Variants in FARS2 observed in about 807,000 individuals in gnomAD.
FARS2 encodes phenylalanyl-tRNA synthetase 2, mitochondrial, also known as phenylalanine--tRNA ligase, mitochondrial.
FARS2 carries 40 observed loss-of-function variants against 46.4 expected under a neutral mutation model. The observed-to-expected ratio is 0.86, with a 90% CI of 0.67 to 1.12. The LOEUF (loss-of-function observed/expected upper bound fraction) is 1.12, where lower values mean the gene tolerates loss of function less well. Among genes scored for constraint, FARS2 ranks in the 50% most tolerant of loss-of-function variants. FARS2 has a pLI of 0.00. For missense variants in FARS2, 513 were observed against 567.9 expected (o/e 0.90, Z 0.98); for synonymous variants, 234 against 214.9 (o/e 1.09, Z -0.78).
chr6:5,697,888 T>C (rs973883103), intron 6 of FARS2, among the ~76,000 whole-genome samples: 6 of 151,298 alleles, frequency 4.0e-5, no homozygotes, highest in Non-Finnish European at 5.9e-5. Flanking sequence ...ACACTTGTTT[T>C]TTTAATTTAA....
chr6:5,539,622 GA>G (rs1770487810), intron 4 of FARS2, among the ~76,000 whole-genome samples: 1 of 151,832 alleles, frequency 6.6e-6, no homozygotes, highest in South Asian at 2.1e-4. Flanking sequence ...AAAGCAATTG[GA>G]AGTTGTATTT....
intron 2 of FARS2, among the ~76,000 whole-genome samples, chr6:5,371,814 C>T (rs1427294011): frequency 2.6e-5 from 4 of 151,876 alleles, no homozygotes. Flanking sequence ...TAAATAGAAA[C>T]CCCAAATTAA....
chr6:5,737,232 G>C (rs1761010372), intron 6 of FARS2, among the ~76,000 whole-genome samples: 1 of 152,102 alleles, frequency 6.6e-6, no homozygotes, highest in African/African-American at 2.4e-5. Flanking sequence ...AATAGAATAG[G>C]CTTCAGAAAT....
chr6:5,395,574 T>C (rs918286004), intron 2 of FARS2, among the ~76,000 whole-genome samples: 6 of 152,190 alleles, frequency 3.9e-5, no homozygotes, highest in Admixed American at 1.3e-4. Context: ...TCTGTACCAT[T>C]ACTAGTGAAA....
At chr6:5,741,714 G>A (rs1390565741) in intron 6 of FARS2, among the ~76,000 whole-genome samples, 3 of 152,172 alleles carry the variant, frequency 2.0e-5, no homozygotes, top group South Asian at 2.1e-4. Context: ...GCAGTGGCAC[G>A]ATCTCGGCTC....
chr6:5,546,604 T>C (rs1771037005), intron 5 of FARS2, among the ~76,000 whole-genome samples: 1 of 152,048 alleles, frequency 6.6e-6, no homozygotes, highest in Non-Finnish European at 1.5e-5. Flanking sequence ...AGAATGAAGC[T>C]GCATATATGT....
intron 3 of FARS2, among the ~76,000 whole-genome samples, chr6:5,427,029 T>C (rs1235494283): frequency 6.6e-6 from 1 of 152,348 alleles, no homozygotes; most frequent in South Asian, 2.1e-4. Context: ...ACTATTTATG[T>C]TTGAAGTAGA....
chr6:5,590,267 G>A (rs1773838677), intron 5 of FARS2, among the ~76,000 whole-genome samples: 1 of 152,210 alleles, frequency 6.6e-6, no homozygotes. Flanking sequence ...GAGGCTGGTA[G>A]CAGTGTTTCC....
intron 1 of FARS2, among the ~76,000 whole-genome samples, chr6:5,302,386 C>T (rs17140145): frequency 0.011 from 1,720 of 152,196 alleles, 29 homozygotes; most frequent in African/African-American, 0.039. Context: ...ATTACATCTC[C>T]CTTGTGTCAG....
intron 1 of FARS2, among the ~76,000 whole-genome samples, chr6:5,268,877 A>C (rs1007359880): frequency 5.5e-4 from 83 of 152,056 alleles, no homozygotes; most frequent in African/African-American, 1.9e-3. Flanking sequence ...CTTTTATTTC[A>C]TTGAGCAGTG....
intron 6 of FARS2, among the ~76,000 whole-genome samples, chr6:5,741,182 G>A (rs540855075): frequency 6.6e-6 from 1 of 152,286 alleles, no homozygotes; most frequent in East Asian, 1.9e-4. Flanking sequence ...CTTTAAGTTT[G>A]AGGAAGAAAG....
intron 1 of FARS2, among the ~76,000 whole-genome samples, chr6:5,294,469 G>A (rs554643950): frequency 3.9e-5 from 6 of 152,214 alleles, no homozygotes; most frequent in South Asian, 4.2e-4. Context: ...GGCAGGCACC[G>A]GTTGGATGTC....
intron 6 of FARS2, among the ~76,000 whole-genome samples, chr6:5,652,590 A>G (rs978376114): frequency 6.6e-6 from 1 of 152,210 alleles, no homozygotes; most frequent in Non-Finnish European, 1.5e-5. Context: ...GAATGGCCCG[A>G]CTGCCCTTCA....
intron 4 of FARS2, among the ~76,000 whole-genome samples, chr6:5,439,143 G>A (rs990293503): frequency 6.6e-6 from 1 of 152,118 alleles, no homozygotes; most frequent in Non-Finnish European, 1.5e-5. Flanking sequence ...GTACTTAAGG[G>A]GTTAGTCTGC....
chr6:5,613,835 A>G (rs60671092), intron 6 of FARS2, among the ~76,000 whole-genome samples: 20,640 of 152,272 alleles, frequency 0.14, 1,656 homozygotes, highest in South Asian at 0.19. Context: ...AAAGCATGCT[A>G]TTATGAGGGA....
chr6:5,628,903 G>A (rs942894761), intron 6 of FARS2, among the ~76,000 whole-genome samples: 2 of 152,232 alleles, frequency 1.3e-5, no homozygotes, highest in African/African-American at 2.4e-5. Context: ...ACATGCAATT[G>A]CAGACTTCAG....
intron 6 of FARS2, among the ~76,000 whole-genome samples, chr6:5,698,704 C>T (rs1409283013): frequency 1.3e-5 from 2 of 152,162 alleles, no homozygotes; most frequent in African/African-American, 2.4e-5. Context: ...GGACCTGGCC[C>T]ACAGGGTGTG....
chr6:5,397,527 G>A lies in FARS2; in HGVS notation c.613-7015G>A, dbSNP rs539122693. Reference sequence around the variant, plus strand: ...GTGGAGGATGCTGATAGTGGAGGAGGCTGTGCATGTGTGGAGGAGGAATTA... The same window carrying A: ...GTGGAGGATGCTGATAGTGGAGGAGACTGTGCATGTGTGGAGGAGGAATTA... On this transcript the variant is annotated intron_variant, in intron 2 of 6. Transcript: ENST00000274680. 6.6e-5 allele frequency among the ~76,000 whole-genome samples: 10 copies of A among 152,304 alleles called. 1 individual carries two copies. In the South Asian group the frequency reaches 1.7e-3, roughly 25 times the overall value.
intron 1 of FARS2, among the ~76,000 whole-genome samples, chr6:5,351,729 A>G (rs901929985): frequency 6.6e-6 from 1 of 152,186 alleles, no homozygotes; most frequent in Non-Finnish European, 1.5e-5. Context: ...AATAAAGATG[A>G]TATCATGAGA....
Sources: gnomAD v4.1 joint callset for allele counts (sites outside exome capture counted in the v4.1 genomes callset) on GRCh38, gnomAD v4.1.1 for gene constraint, MANE v1.5 for transcripts, NCBI Gene and HGNC (gene_info 2026-07-23, HGNC 2026-07-21) for gene names.